Variants in ARL2 observed in about 807,000 individuals in gnomAD.
ARL2 encodes the protein ARF like GTPase 2.
Under a neutral mutation model 22.0 loss-of-function variants are expected in ARL2, and 11 were observed. The observed-to-expected ratio is 0.50, with a 90% CI of 0.31 to 0.83. The LOEUF (loss-of-function observed/expected upper bound fraction) is 0.83. Ranked by LOEUF, ARL2 falls within the 40% of genes least tolerant of loss-of-function variation. The pLI, the probability that ARL2 is intolerant of heterozygous loss-of-function variation, is 0.04. For missense variants in ARL2, 216 were observed against 243.2 expected (o/e 0.89, Z 0.74); for synonymous variants, 111 against 100.8 (o/e 1.10, Z -0.61).
At chr11:65,014,617 C>T (rs1415382743) in intron 1 of ARL2, among the ~76,000 whole-genome samples, 11 of 152,234 alleles carry the variant, frequency 7.2e-5, no homozygotes, top group Admixed American at 7.2e-4. Flanking sequence ...GATCTCCTCC[C>T]CCGGGCCCGA....
Position 65,018,804 on chromosome 11 carries a change from C to G in ARL2, c.339+71C>G, listed in dbSNP as rs574046543. ...CCTTCTCAGCAGATGCCCAGAGGGG[C>G]CCGTGGCCCCAGAGGGAAACCAGAG... On this transcript the variant is annotated intron_variant, in intron 3 of 4. Transcript: ENST00000246747. The surrounding 1 kb of genome is among the most constrained non-coding windows in gnomAD (Gnocchi z 4.2). The G allele has an allele frequency of 2.5e-6, 4 of 1,591,404 alleles. No individual in the cohort carries two copies. In the African/African-American group the frequency reaches 5.4e-5, roughly 21 times the overall value.
chr11:65,018,897 TG>T lies in ARL2; in HGVS notation c.339+165del. 6.5e-7 allele frequency: 1 copy of T among 1,534,546 alleles called. No homozygotes were observed. The highest frequency in any genetic ancestry group is 1.2e-5 in the South Asian group (1 of 83,316). ...ATGGTGCCAGAGGCAGGACACATGC[TG>T]TGGACTGAGATTGAGTTAACGTCCC... On this transcript the variant is annotated intron_variant, in intron 3 of 4. Transcript: ENST00000246747. This position sits in a 1 kb window ranked among gnomAD's most constrained non-coding sequence, Gnocchi z 4.2.
intron 4 of ARL2, chr11:65,021,458 C>T: frequency 4.8e-6 from 2 of 417,720 alleles, no homozygotes; most frequent in Non-Finnish European, 8.7e-6. Flanking sequence ...TAGCACGATG[C>T]CCGGATCCTG....
chr11:65,016,840 T>A (rs1297202530), intron 1 of ARL2, among the ~76,000 whole-genome samples: 1 of 151,998 alleles, frequency 6.6e-6, no homozygotes, highest in East Asian at 1.9e-4. Flanking sequence ...GAGAACCCGG[T>A]TGTACCAGGA....
chr11:65,017,407 G>T (rs979865110), intron 1 of ARL2, among the ~76,000 whole-genome samples: 3 of 152,056 alleles, frequency 2.0e-5, no homozygotes, highest in African/African-American at 7.2e-5. Context: ...TGTTGGTCAG[G>T]CTGGTTTCGA....
chr11:65,020,229 G>T (rs554734031), intron 3 of ARL2, among the ~76,000 whole-genome samples, 190 bp from the exon 4 acceptor site: 1 of 152,154 alleles, frequency 6.6e-6, no homozygotes, highest in Non-Finnish European at 1.5e-5. Flanking sequence ...CTGGCCCAGG[G>T]CTGCTCCATT....
chr11:65,020,577 T>A, intron 4 of ARL2, 78 bp downstream of exon 4: 3 of 1,425,192 alleles, frequency 2.1e-6, no homozygotes, highest in South Asian at 1.3e-5. Flanking sequence ...TTATTAAAAA[T>A]AACCAAAAAG....
At chr11:65,014,585 G>A (rs1946226448) in intron 1 of ARL2, among the ~76,000 whole-genome samples, 1 of 152,212 alleles carries the variant, frequency 6.6e-6, no homozygotes, top group Non-Finnish European at 1.5e-5. Context: ...CCCAAGCGTG[G>A]GGCCGCTGCC....
chr11:65,021,886 C>T lies in ARL2; in HGVS notation c.*31C>T, dbSNP rs1446229865. ...TCCAGATGCCCCCCACCTAGCAGTC[C>T]AGGTCCCTCAACCTTCACCAAACAC... On this transcript the variant is annotated 3_prime_UTR_variant, in exon 5 of 5. Coordinates refer to ENST00000246747, the MANE Select transcript of ARL2 (RefSeq NM_001667.4). The T allele has an allele frequency of 1.2e-6, 2 of 1,600,230 alleles. No homozygotes were observed. The highest frequency in any genetic ancestry group is 1.7e-6 in the Non-Finnish European group (2 of 1,173,262).
At chr11:65,016,279 G>A (rs897242778) in intron 1 of ARL2, among the ~76,000 whole-genome samples, 8 of 138,314 alleles carry the variant, frequency 5.8e-5, no homozygotes, top group Non-Finnish European at 1.1e-4. Flanking sequence ...GGGGGGGGGG[G>A]AAACTTTAAA....
At position 65,017,302 on chromosome 11, in the gene ARL2, TCTC is replaced by T. The variant is rs1225688169; in HGVS notation, c.66-1059_66-1057del. 2.6e-5 allele frequency among the ~76,000 whole-genome samples: 4 copies of T among 151,520 alleles called. No individual in the cohort carries two copies. In the South Asian group the frequency reaches 6.3e-4, roughly 24 times the overall value. On this transcript the variant is annotated intron_variant, in intron 1 of 4. Coordinates refer to ENST00000246747, the MANE Select transcript of ARL2 (RefSeq NM_001667.4). ...CCTCTGCCTGCCGGGTTCAAGCAAT[TCTC>T]CTGTCTCAGCCTCCCGAGTAGCTGG...
intron 1 of ARL2, among the ~76,000 whole-genome samples, chr11:65,016,271 G>C (rs993322946): frequency 2.1e-4 from 31 of 145,368 alleles, no homozygotes; most frequent in South Asian, 1.4e-3. Flanking sequence ...AGCAATTCGG[G>C]GGGGGGGGAA....
Position 65,018,221 on chromosome 11 carries a change from T to C in ARL2, c.66-143T>C. On this transcript the variant is annotated intron_variant, in intron 1 of 4. Transcript: ENST00000246747. This position sits in a 1 kb window ranked among gnomAD's most constrained non-coding sequence, Gnocchi z 4.2. ...ATATTTATAATTTGATACTTTCATA[T>C]TTATTGTGGGCCGATTATGGTCAGG... The C allele has an allele frequency of 1.5e-6, 1 of 652,840 alleles. No homozygotes were observed. Among genetic ancestry groups the C allele is most frequent in the East Asian group, 2.8e-5 (1 of 36,318 alleles). The allele number at this position is 652,840 out of a possible 1,614,324, so 40.4% of individuals were successfully genotyped here.
chr11:65,018,973 ATGG>A lies in ARL2; in HGVS notation c.339+243_339+245del. 6.8e-7 allele frequency: 1 copy of A among 1,476,812 alleles called. No homozygotes were observed. Among genetic ancestry groups the A allele is most frequent in the Non-Finnish European group, 9.0e-7 (1 of 1,107,534 alleles). The allele number at this position is 1,476,812 out of a possible 1,614,324, so 91.5% of individuals were successfully genotyped here. ...TGAGCATCAGTTTCTATGCCTTGAA[ATGG>A]TGATGATGACACCCACATCACTGGG... On this transcript the variant is annotated intron_variant, in intron 3 of 4. Transcript: ENST00000246747. This position sits in a 1 kb window ranked among gnomAD's most constrained non-coding sequence, Gnocchi z 4.2.
intron 1 of ARL2, among the ~76,000 whole-genome samples, chr11:65,014,718 G>A (rs1479700917): frequency 3.3e-5 from 5 of 152,208 alleles, no homozygotes; most frequent in African/African-American, 4.8e-5. Flanking sequence ...GGATCCTTTC[G>A]AGCGTGGATC....
At position 65,020,473 on chromosome 11, in the gene ARL2, G is replaced by A. The variant is rs779164260; in HGVS notation, c.394G>A (p.Ala132Thr). The A allele has an allele frequency of 6.2e-7, 1 of 1,612,674 alleles. No individual in the cohort carries two copies. ...TGCTAATAAGCAGGACCTGCCTGGA[G>A]CACTGTCCTCTAACGCCATCCGCGA... ...IFANKQDLPG[A>T]LSSNAIREVL... Residue 132 changes from alanine to threonine, a missense_variant, in exon 4 of 5, where the codon GCA (alanine) becomes ACA (threonine). Coordinates refer to ENST00000246747, the MANE Select transcript of ARL2 (RefSeq NM_001667.4).
intron 1 of ARL2, among the ~76,000 whole-genome samples, chr11:65,014,851 C>T (rs1402875950): frequency 3.3e-5 from 5 of 152,256 alleles, no homozygotes; most frequent in African/African-American, 9.6e-5. Flanking sequence ...GGCGCCCGCA[C>T]CTGTTCCCCC....
rs557682309 is a variant in ARL2 at position 65,022,129 on chromosome 11, G to A, written c.*274G>A. The A allele has an allele frequency of 2.1e-5, 10 of 486,040 alleles. No individual in the cohort carries two copies. Among genetic ancestry groups the A allele is most frequent in the East Asian group, 6.9e-5 (2 of 29,150 alleles). The allele number at this position is 486,040 out of a possible 1,614,324, so 30.1% of individuals were successfully genotyped here. ...GGGAGGAGCTGCTACTGCTGCTACCGAGGCTGTGGGCCTCATCCTTCACTC... is the reference window on the plus strand; with the variant it reads ...GGGAGGAGCTGCTACTGCTGCTACCAAGGCTGTGGGCCTCATCCTTCACTC... On this transcript the variant is annotated 3_prime_UTR_variant, in exon 5 of 5. Transcript: ENST00000246747.
chr11:65,015,183 A>G (rs1158015976), intron 1 of ARL2, among the ~76,000 whole-genome samples: 1 of 152,032 alleles, frequency 6.6e-6, no homozygotes, highest in African/African-American at 2.4e-5. Context: ...GCACAATCTC[A>G]GCTCGCTGCA....
Sources: gnomAD v4.1 joint callset for allele counts (sites outside exome capture counted in the v4.1 genomes callset) on GRCh38, gnomAD v4.1.1 for gene constraint, Gnocchi (gnomAD v3.1) non-coding constraint, MANE v1.5 for transcripts, NCBI Gene and HGNC (gene_info 2026-07-23, HGNC 2026-07-21) for gene names.